Variants in CCSER2 observed in about 807,000 individuals in gnomAD.
The protein encoded by CCSER2 is coiled-coil serine rich protein 2.
A neutral mutation model predicts 92.3 loss-of-function variants in CCSER2; 46 were observed. The ratio of observed to expected loss-of-function variants is 0.50; its 90% CI spans 0.39 to 0.64. CCSER2 has a LOEUF of 0.64. Among genes scored for constraint, CCSER2 ranks in the 30% least tolerant of loss-of-function variants. The pLI is 0.00. For synonymous variants in CCSER2, 433 were observed against 431.4 expected, an observed-to-expected ratio of 1.00 and a Z score of -0.04; for missense variants, 1,244 against 1,238.9, an observed-to-expected ratio of 1.00 and a Z score of -0.06.
At chr10:84,440,171 T>C (rs1844439369) in intron 6 of CCSER2, among the ~76,000 whole-genome samples, 3 of 152,166 alleles carry the variant, frequency 2.0e-5, no homozygotes, top group South Asian at 2.1e-4. Context: ...AAAAAGTGTT[T>C]TTTGAGGTTC....
chr10:84,359,641 A>C (rs1335085463), intron 1 of CCSER2, among the ~76,000 whole-genome samples: 1 of 152,112 alleles, frequency 6.6e-6, no homozygotes. Flanking sequence ...GGAGGAGTTA[A>C]ATGTAGAGAT....
In CCSER2 at chr10:84,482,847, T is replaced by C. The variant is rs182603894; in HGVS notation, c.2325+5183T>C. Among the ~76,000 whole-genome samples the C allele has an allele frequency of 2.2e-3, 332 of 152,294 alleles. 1 individual carries two copies. The highest frequency in any genetic ancestry group is 7.7e-3 in the African/African-American group (321 of 41,566). ...GAATACACAGACTGTTGTATCGGTA[T>C]CAGTGTGAAAAGGTGCCTACAAGTT... is the stretch of plus-strand genomic sequence containing the variant. On this transcript the variant is annotated intron_variant, in intron 9 of 9. Coordinates refer to ENST00000372088, the MANE Select transcript of CCSER2 (RefSeq NM_001284240.2).
At chr10:84,353,465 G>A (rs1844979809) in intron 1 of CCSER2, among the ~76,000 whole-genome samples, 1 of 152,184 alleles carries the variant, frequency 6.6e-6, no homozygotes, top group African/African-American at 2.4e-5. Context: ...TTATGCTTAT[G>A]TTTTTGAAAT....
Position 84,371,517 on chromosome 10 carries a change from C to A in CCSER2, c.465C>A (p.Gly155=). 1.2e-6 allele frequency: 2 copies of A among 1,613,568 alleles called. No individual in the cohort carries two copies. The highest frequency in any genetic ancestry group is 2.2e-5 in the South Asian group (2 of 91,070). Residue 155 remains glycine (G), a synonymous_variant, in exon 2 of 10, where the codon GGC becomes GGA. Coordinates refer to ENST00000372088, the MANE Select transcript of CCSER2 (RefSeq NM_001284240.2). ...CTAATTTGGGTAAATTCACCAAAGGCACATTATTAGGAAGGACTTCATATT... is the reference window on the plus strand; with the variant it reads ...CTAATTTGGGTAAATTCACCAAAGGAACATTATTAGGAAGGACTTCATATT... ...GPSNLGKFTK[G]TLLGRTSYSS... is the part of the protein sequence containing the mutation.
chr10:84,400,339 G>A (rs553557977), intron 3 of CCSER2, among the ~76,000 whole-genome samples: 134 of 152,038 alleles, frequency 8.8e-4, no homozygotes, highest in African/African-American at 3.1e-3. Flanking sequence ...TTTTTGTTTC[G>A]TTTTGTTTTT....
intron 1 of CCSER2, among the ~76,000 whole-genome samples, chr10:84,341,691 C>T (rs934688222): frequency 1.3e-5 from 2 of 152,144 alleles, no homozygotes; most frequent in Admixed American, 6.5e-5. Context: ...ACTTCAGATG[C>T]ATGCTCCAGG....
At chr10:84,391,781 A>G (rs541217434) in intron 3 of CCSER2, 37 of 1,566,312 alleles carry the variant, frequency 2.4e-5, no homozygotes. Flanking sequence ...TTTCTGAGAA[A>G]CATAAGAGAC....
chr10:84,394,102 AGTT>A (rs1304690910), intron 3 of CCSER2, among the ~76,000 whole-genome samples: 1 of 152,226 alleles, frequency 6.6e-6, no homozygotes, highest in African/African-American at 2.4e-5. Flanking sequence ...TATGAAATGT[AGTT>A]GTTGTGATTC....
chr10:84,477,664 TG>T lies in CCSER2; in HGVS notation c.2325+1del. 6.4e-7 allele frequency: 1 copy of T among 1,561,304 alleles called. No homozygotes were observed. Among genetic ancestry groups the T allele is most frequent in the Non-Finnish European group, 8.8e-7 (1 of 1,133,222 alleles). Reference sequence around the variant, plus strand: ...CCCAAACACCCTGGAGACGAATTCCTGTAAGTAACATTTGCTCTTAGCCTCC... The same window carrying T: ...CCCAAACACCCTGGAGACGAATTCCTTAAGTAACATTTGCTCTTAGCCTCC... On this transcript the variant is annotated splice_donor_variant, in intron 9 of 9. Coordinates refer to ENST00000372088, the MANE Select transcript of CCSER2 (RefSeq NM_001284240.2). LOFTEE classifies it high-confidence loss of function.
At chr10:84,429,621 C>T (rs962220934) in intron 5 of CCSER2, among the ~76,000 whole-genome samples, 6 of 150,054 alleles carry the variant, frequency 4.0e-5, no homozygotes, top group African/African-American at 1.5e-4. Context: ...ACCACCCCCC[C>T]CAGCTTTTTT....
intron 9 of CCSER2, among the ~76,000 whole-genome samples, chr10:84,487,009 C>T (rs547795083): frequency 6.6e-6 from 1 of 152,214 alleles, no homozygotes; most frequent in East Asian, 1.9e-4. Flanking sequence ...GAATCCTTTC[C>T]CCATTTCTTG....
chr10:84,487,212 G>T (rs1445807881), intron 9 of CCSER2, among the ~76,000 whole-genome samples: 1 of 152,204 alleles, frequency 6.6e-6, no homozygotes, highest in East Asian at 1.9e-4. Context: ...GCTTAGGATA[G>T]TCTTGAAAAT....
chr10:84,329,753 A>G (rs1220505398), intron 1 of CCSER2, among the ~76,000 whole-genome samples: 1 of 152,188 alleles, frequency 6.6e-6, no homozygotes, highest in Non-Finnish European at 1.5e-5. Flanking sequence ...GGTTCAAAAC[A>G]TGTCTTATCC....
At chr10:84,427,653 G>T (rs749201286) in intron 5 of CCSER2, among the ~76,000 whole-genome samples, 1 of 152,136 alleles carries the variant, frequency 6.6e-6, no homozygotes, top group Admixed American at 6.5e-5. Flanking sequence ...TGTTCTCATC[G>T]TAATACTGCT....
At position 84,371,157 on chromosome 10, in the gene CCSER2, T is replaced by C. The variant is rs1388871538; in HGVS notation, c.105T>C (p.Pro35=). 19 of 1,613,524 alleles carry C rather than the reference T, an allele frequency of 1.2e-5. No homozygotes were observed. The highest frequency in any genetic ancestry group is 1.5e-5 in the Non-Finnish European group (18 of 1,179,718). ...TGCAGCCAATGCCAAATGGGACACC[T>C]GTTAATTTATTAGGAACTTCCAAGA... ...STLQPMPNGT[P]VNLLGTSKNS... The change falls in exon 2 of 10, where the codon CCT becomes CCC. Residue 35 remains proline (P), a synonymous_variant. Coordinates refer to ENST00000372088, the MANE Select transcript of CCSER2 (RefSeq NM_001284240.2).
intron 3 of CCSER2, among the ~76,000 whole-genome samples, chr10:84,392,618 G>A (rs1204502004): frequency 6.6e-6 from 1 of 151,864 alleles, no homozygotes; most frequent in Non-Finnish European, 1.5e-5. Context: ...GTTAAAATCA[G>A]CTTGCCTTCC....
At chr10:84,512,901 TA>T (rs1278049759) in intron 9 of CCSER2, among the ~76,000 whole-genome samples, 2 of 152,278 alleles carry the variant, frequency 1.3e-5, no homozygotes, top group Non-Finnish European at 2.9e-5. Context: ...TCTCGACCTA[TA>T]TTTGTTAAAT....
intron 1 of CCSER2, among the ~76,000 whole-genome samples, chr10:84,366,658 T>G (rs2133144360): frequency 6.6e-6 from 1 of 152,310 alleles, no homozygotes; most frequent in East Asian, 1.9e-4. Flanking sequence ...ATAGGATGGA[T>G]TTTGGGCAAT....
At chr10:84,489,352 A>G (rs898888689) in intron 9 of CCSER2, among the ~76,000 whole-genome samples, 1 of 152,132 alleles carries the variant, frequency 6.6e-6, no homozygotes, top group Non-Finnish European at 1.5e-5. Flanking sequence ...AAAGTCTTTC[A>G]TTATTATTGT....
Sources: allele counts gnomAD v4.1 joint callset (sites outside exome capture counted in the v4.1 genomes callset), GRCh38; gene constraint gnomAD v4.1.1; transcripts MANE v1.5; gene names NCBI Gene and HGNC (gene_info 2026-07-23, HGNC 2026-07-21).